Variants in NRG1 observed in about 807,000 individuals in gnomAD.
NRG1 encodes pro-neuregulin-1, membrane-bound isoform.
A neutral mutation model predicts 63.8 loss-of-function variants in NRG1; 18 were observed. The observed-to-expected ratio is 0.28, with a 90% CI of 0.19 to 0.42. The LOEUF is 0.42. Among genes scored for constraint, NRG1 ranks in the 10% least tolerant of loss-of-function variants. The pLI, the probability that NRG1 is intolerant of heterozygous loss-of-function variation, is 1.00. For synonymous variants in NRG1, 302 were observed against 301.3 expected, an observed-to-expected ratio of 1.00 and a Z score of -0.02; for missense variants, 762 against 814.7, an observed-to-expected ratio of 0.94 and a Z score of 0.79.
chr8:31,775,214 A>C (rs1196013619), intron 1 of NRG1, among the ~76,000 whole-genome samples: 1 of 152,230 alleles, frequency 6.6e-6, no homozygotes, highest in Non-Finnish European at 1.5e-5. Context: ...ATCATGGAGG[A>C]CTGGATAAGG....
rs141618682 is a variant in NRG1 at position 32,487,997 on chromosome 8, G to T, written c.38-107831G>T. Among the ~76,000 whole-genome samples the T allele has an allele frequency of 1.3e-3, 199 of 152,268 alleles. 3 individuals carry two copies. The South Asian group carries it at 0.022, about 16-fold the overall frequency. ...TAATTGTTGGGCTCCATTAGAAGGG[G>T]TCTTTCTGGAGACTGTGGTTTCTTA... is the stretch of plus-strand genomic sequence containing the variant. On this transcript the variant is annotated intron_variant, in intron 1 of 10. Transcript: ENST00000519301.
intron 5 of NRG1, among the ~76,000 whole-genome samples, chr8:32,698,219 T>C (rs907110947): frequency 1.3e-5 from 2 of 150,718 alleles, no homozygotes; most frequent in African/African-American, 2.5e-5. Context: ...AAAAAAAATA[T>C]ATGAAAAGGT....
intron 1 of NRG1, among the ~76,000 whole-genome samples, chr8:32,092,475 A>AG (rs1829320140): frequency 6.6e-6 from 1 of 151,334 alleles, no homozygotes; most frequent in Non-Finnish European, 1.5e-5. Context: ...AAAAAAAAAA[A>AG]AAAAGAAAAA....
chr8:31,940,110 C>A (rs1380289670), intron 1 of NRG1, among the ~76,000 whole-genome samples: 7 of 152,088 alleles, frequency 4.6e-5, no homozygotes, highest in Admixed American at 4.6e-4. Flanking sequence ...TTCTACTCAT[C>A]AGCACATGGA....
intron 1 of NRG1, among the ~76,000 whole-genome samples, chr8:32,518,620 C>G (rs556257141): frequency 6.6e-6 from 1 of 152,198 alleles, no homozygotes; most frequent in South Asian, 2.1e-4. Flanking sequence ...TTATGACCAT[C>G]CAATTCTGCA....
chr8:32,297,066 G>C (rs1036054532), intron 1 of NRG1, among the ~76,000 whole-genome samples: 1 of 151,986 alleles, frequency 6.6e-6, no homozygotes, highest in African/African-American at 2.4e-5. Context: ...AGTGAGCCAA[G>C]ATCGCGCCAC....
rs187894305 is a variant in NRG1, at chr8:32,701,486, G to T, written c.503-26463G>T. On this transcript the variant is annotated intron_variant, in intron 5 of 11. Coordinates refer to ENST00000356819, the Ensembl canonical transcript of NRG1. ...AGTGATAGAGGGGCGTAAAGACCAT[G>T]GGGCCAGCATATTTGAAGGTGATTT... 2.0e-3 allele frequency among the ~76,000 whole-genome samples: 311 copies of T among 152,248 alleles called. 1 individual carries two copies. Among genetic ancestry groups the T allele is most frequent in the Non-Finnish European group, 3.7e-3 (254 of 68,026 alleles).
intron 1 of NRG1, among the ~76,000 whole-genome samples, chr8:32,016,835 A>G (rs1305922509): frequency 6.6e-6 from 1 of 152,230 alleles, no homozygotes; most frequent in Non-Finnish European, 1.5e-5. Flanking sequence ...CTTGGTAATA[A>G]CAATAAAATG....
At chr8:32,548,204 G>C, upstream of NRG1, 1 of 982,642 alleles carries the variant, frequency 1.0e-6, no homozygotes, top group Non-Finnish European at 1.2e-6. Context: ...GGAAGAGGGA[G>C]GGGGCGAGGC....
chr8:31,796,421 T>TTTTC (rs1478813983), intron 1 of NRG1, among the ~76,000 whole-genome samples: 1 of 34,098 alleles, frequency 2.9e-5, no homozygotes, highest in African/African-American at 8.6e-5. Context: ...AATCTTTTTT[T>TTTTC]TTTTTTTTTT....
intron 5 of NRG1, chr8:32,647,036 G>A (rs1440678387): frequency 2.0e-6 from 2 of 985,176 alleles, no homozygotes. Context: ...AGGAGTAGTC[G>A]GGGGTGGGGT....
chr8:31,853,970 T>A (rs1245887500), intron 1 of NRG1, among the ~76,000 whole-genome samples: 2 of 149,362 alleles, frequency 1.3e-5, no homozygotes, highest in Non-Finnish European at 3.0e-5. Context: ...GCCCACTTGA[T>A]CATGGTGGAT....
intron 1 of NRG1, among the ~76,000 whole-genome samples, chr8:32,585,774 G>A (rs1452757646): frequency 6.6e-6 from 1 of 152,114 alleles, no homozygotes; most frequent in Non-Finnish European, 1.5e-5. Context: ...ACTGTCTTTT[G>A]CACGTGGAAT....
At chr8:31,844,303 C>G (rs144718938) in intron 1 of NRG1, among the ~76,000 whole-genome samples, 1 of 152,164 alleles carries the variant, frequency 6.6e-6, no homozygotes, top group Non-Finnish European at 1.5e-5. Context: ...CTTGCCAGTT[C>G]GGAATCCCCT....
At chr8:31,681,856 T>A (rs1479887741) in intron 1 of NRG1, among the ~76,000 whole-genome samples, 3 of 152,152 alleles carry the variant, frequency 2.0e-5, no homozygotes, top group African/African-American at 7.2e-5. Context: ...AGAGTTCCCA[T>A]ATAGCCTTCA....
intron 1 of NRG1, among the ~76,000 whole-genome samples, chr8:32,396,164 C>A (rs1199189974): frequency 6.6e-6 from 1 of 152,026 alleles, no homozygotes; most frequent in African/African-American, 2.4e-5. Context: ...AAATTAAGTC[C>A]CCCAATGTTT....
At chr8:32,227,439 GA>G (rs1206000958) in intron 1 of NRG1, among the ~76,000 whole-genome samples, 1 of 151,998 alleles carries the variant, frequency 6.6e-6, no homozygotes, top group Non-Finnish European at 1.5e-5. Context: ...ATTATTTTAA[GA>G]AAAAAACTAT....
At chr8:32,306,497 C>T (rs1319415956) in intron 1 of NRG1, among the ~76,000 whole-genome samples, 2 of 152,062 alleles carry the variant, frequency 1.3e-5, no homozygotes, top group African/African-American at 4.8e-5. Flanking sequence ...CCAGAAAGGC[C>T]CCATTGAAAT....
At chr8:32,307,255 C>T (rs565867371) in intron 1 of NRG1, among the ~76,000 whole-genome samples, 83 of 152,210 alleles carry the variant, frequency 5.5e-4, no homozygotes, top group African/African-American at 1.8e-3. Flanking sequence ...ATAAAAAGAA[C>T]CACTCCTTGA....
Sources: allele counts gnomAD v4.1 joint callset (sites outside exome capture counted in the v4.1 genomes callset), GRCh38; gene constraint gnomAD v4.1.1; transcripts MANE v1.5; gene names NCBI Gene and HGNC (gene_info 2026-07-23, HGNC 2026-07-21).